Variants in NPY observed in about 807,000 individuals in gnomAD.
NPY encodes the protein pro-neuropeptide Y.
In NPY, 11 loss-of-function variants were observed where a neutral mutation model predicts 13.2. That is an observed-to-expected ratio of 0.83 (90% CI 0.52 to 1.38). The LOEUF (loss-of-function observed/expected upper bound fraction) is 1.38, where lower values mean the gene tolerates loss of function less well. Ranked by LOEUF, NPY falls within the 40% of genes most tolerant of loss-of-function variation. NPY has a pLI of 0.00. For missense variants in NPY, 109 were observed against 125.1 expected (o/e 0.87, Z 0.61); for synonymous variants, 51 against 55.6 (o/e 0.92, Z 0.37).
At position 24,289,013 on chromosome 7, in the gene NPY, C is replaced by T. The variant is rs79030209; in HGVS notation, c.189-486C>T. ...TTCAAAGACACAGGTGGGTCTTGGA[C>T]GGCAATCTGCTGATTTTTTTTTTCT... On this transcript the variant is annotated intron_variant, in intron 2 of 3. Coordinates refer to ENST00000242152, the MANE Select transcript of NPY (RefSeq NM_000905.4). 0.01 allele frequency among the ~76,000 whole-genome samples: 1,566 copies of T among 152,172 alleles called. 54 individuals are homozygous for T. In the East Asian group the frequency reaches 0.12, roughly 12 times the overall value.
chr7:24,284,659 A>G (rs1328521712), intron 1 of NPY, among the ~76,000 whole-genome samples: 7 of 152,102 alleles, frequency 4.6e-5, no homozygotes, highest in Non-Finnish European at 1.0e-4. Flanking sequence ...CGGCAGCGCC[A>G]TCGAGTGAGG....
intron 3 of NPY, 139 bp from the exon 4 acceptor site, chr7:24,291,524 T>G: frequency 2.2e-6 from 2 of 905,006 alleles, no homozygotes; most frequent in African/African-American, 1.7e-5. Context: ...TCCACATGGC[T>G]TCTTATTTAG....
intron 3 of NPY, among the ~76,000 whole-genome samples, chr7:24,291,401 T>C (rs1250056378): frequency 2.0e-5 from 3 of 152,192 alleles, no homozygotes; most frequent in Admixed American, 2.0e-4. Flanking sequence ...CTTTGATACA[T>C]ACAGAGCCTT....
chr7:24,289,461 T>C (rs1296735972), intron 2 of NPY, 38 bp from the exon 3 acceptor site: 14 of 1,451,970 alleles, frequency 9.6e-6, no homozygotes, highest in Non-Finnish European at 1.2e-5. Flanking sequence ...TTTTTATGCC[T>C]ATTCCAAACT....
chr7:24,291,847 T>A lies in NPY; in HGVS notation c.*160T>A. ...TGTATATATGTGTGTTTAAATAAAG[T>A]ATCATGCATTCAAAAGTGTATCCTC... On this transcript the variant is annotated 3_prime_UTR_variant, in exon 4 of 4. Coordinates refer to ENST00000242152, the MANE Select transcript of NPY (RefSeq NM_000905.4). 1.4e-6 allele frequency: 1 copy of A among 690,740 alleles called. No homozygotes were observed. The highest frequency in any genetic ancestry group is 2.4e-6 in the Non-Finnish European group (1 of 417,798). 42.8% of individuals were successfully genotyped at this position (690,740 alleles called of 1,614,324 possible). A position where few individuals can be genotyped will look rare whatever the true frequency, so the allele number is the denominator to read the frequency against.
At position 24,285,069 on chromosome 7, in the gene NPY, C is replaced by A. The variant is rs1188828340; in HGVS notation, c.1-172C>A. The A allele has an allele frequency of 7.4e-6, 5 of 671,540 alleles. No individual in the cohort carries two copies. The highest frequency in any genetic ancestry group is 1.3e-5 in the Non-Finnish European group (5 of 396,280). 41.6% of individuals were successfully genotyped at this position (671,540 alleles called of 1,614,324 possible). A position where few individuals can be genotyped will look rare whatever the true frequency, so the allele number is the denominator to read the frequency against. On this transcript the variant is annotated intron_variant, in intron 1 of 3. Coordinates refer to ENST00000242152, the MANE Select transcript of NPY (RefSeq NM_000905.4). This position sits in a 1 kb window ranked among gnomAD's most constrained non-coding sequence, Gnocchi z 4.9. ...GGTCCCGACCGGACGGCGCCCGGAG[C>A]CCGCAAGGTGGTGCTAGCCACTCCT...
At chr7:24,287,516 T>C (rs1226214564) in intron 2 of NPY, among the ~76,000 whole-genome samples, 3 of 138,570 alleles carry the variant, frequency 2.2e-5, no homozygotes, top group African/African-American at 5.4e-5. Context: ...TATATACCCC[T>C]GGCTCATTGC....
At position 24,285,798 on chromosome 7, in the gene NPY, T is replaced by C. The variant is rs142898192; in HGVS notation, c.188+370T>C. On this transcript the variant is annotated intron_variant, in intron 2 of 3. Transcript: ENST00000242152. This position sits in a 1 kb window ranked among gnomAD's most constrained non-coding sequence, Gnocchi z 4.9. Reference sequence around the variant, plus strand: ...GCAAGAATGCGCCAGAGAAATGCTGTAGGGGGAAACGCTAGCAAGGTGTCT... The same window carrying C: ...GCAAGAATGCGCCAGAGAAATGCTGCAGGGGGAAACGCTAGCAAGGTGTCT... Among the ~76,000 whole-genome samples, 302 of 152,048 alleles carry C rather than the reference T, an allele frequency of 2.0e-3. 1 individual carries two copies. Among genetic ancestry groups the C allele is most frequent in the Middle Eastern group, 0.014 (4 of 294 alleles).
intron 2 of NPY, among the ~76,000 whole-genome samples, chr7:24,286,903 G>A (rs1456675454): frequency 6.8e-6 from 1 of 146,492 alleles, no homozygotes; most frequent in African/African-American, 2.8e-5. Flanking sequence ...ATAATACACA[G>A]TAGAACTCAT....
rs1486037281 is a variant in NPY at position 24,285,162 on chromosome 7, C to CG, written c.1-73dup. 9.0e-6 allele frequency: 13 copies of CG among 1,452,410 alleles called. No individual in the cohort carries two copies. Among genetic ancestry groups the CG allele is most frequent in the South Asian group, 3.6e-5 (3 of 84,080 alleles). 90.0% of individuals were successfully genotyped at this position (1,452,410 alleles called of 1,614,324 possible). On this transcript the variant is annotated intron_variant, in intron 1 of 3. Coordinates refer to ENST00000242152, the MANE Select transcript of NPY (RefSeq NM_000905.4). The surrounding 1 kb of genome is among the most constrained non-coding windows in gnomAD (Gnocchi z 4.9). The stretch of plus-strand genomic sequence containing the variant: ...GCGTGTGGTAGCAGGAGGAGGAGCG[C>CG]GGGGGGCAGAGGAGGGAGGTGCTGC...
intron 3 of NPY, among the ~76,000 whole-genome samples, chr7:24,290,034 A>G (rs1284576549): frequency 1.3e-5 from 2 of 152,182 alleles, no homozygotes; most frequent in East Asian, 1.9e-4. Context: ...CCAGTTTTAC[A>G]TGAAGCTGTA....
At chr7:24,288,463 C>T (rs769091022) in intron 2 of NPY, among the ~76,000 whole-genome samples, 1 of 152,044 alleles carries the variant, frequency 6.6e-6, no homozygotes, top group Non-Finnish European at 1.5e-5. Flanking sequence ...AGTTGTTGGA[C>T]CTATTAACCA....
In NPY at chr7:24,289,579, G is replaced by A. The variant is rs556865090; in HGVS notation, c.269G>A (p.Arg90Gln). The A allele has an allele frequency of 8.7e-6, 14 of 1,608,830 alleles. No individual in the cohort carries two copies. The African/African-American group carries it at 1.2e-4, about 14-fold the overall frequency. Reference protein sequence around the residue: ...RESTENVPRTRLEDPAMW With the variant: ...RESTENVPRTQLEDPAMW ...AGCACAGAAAATGTTCCCAGAACTCGGTATGACAAGGCTTGTGATGGGGAC... is the reference window on the plus strand; with the variant it reads ...AGCACAGAAAATGTTCCCAGAACTCAGTATGACAAGGCTTGTGATGGGGAC... Residue 90 changes from arginine (R) to glutamine (Q), a missense_variant and splice_region_variant, in exon 3 of 4, where the codon CGG (arginine) becomes CAG (glutamine). Coordinates refer to ENST00000242152, the MANE Select transcript of NPY (RefSeq NM_000905.4).
At chr7:24,286,718 GATC>G (rs1464770547) in intron 2 of NPY, among the ~76,000 whole-genome samples, 20 of 152,152 alleles carry the variant, frequency 1.3e-4, no homozygotes, top group African/African-American at 4.6e-4. Context: ...CTTGAAATCT[GATC>G]ATTTTAATTA....
Position 24,290,775 on chromosome 7 carries a change from A to ATTATTATTATTATTATT in NPY, c.270-888_270-887insTTATTATTATTATTATT, listed in dbSNP as rs1554351567. Among the ~76,000 whole-genome samples the ATTATTATTATTATTATT allele has an allele frequency of 1.5e-3, 190 of 129,628 alleles. 1 individual carries two copies. Among genetic ancestry groups the ATTATTATTATTATTATT allele is most frequent in the Admixed American group, 5.5e-3 (70 of 12,824 alleles). The allele number at this position is 129,628 out of a possible 152,430, so 85.0% of individuals were successfully genotyped here. On this transcript the variant is annotated intron_variant, in intron 3 of 3. Coordinates refer to ENST00000242152, the MANE Select transcript of NPY (RefSeq NM_000905.4). ...TTTTTAATTAAATAATAATAATAATAATTATTATTATTATTCAGAGACAAG... is the reference window on the plus strand; with the variant it reads ...TTTTTAATTAAATAATAATAATAATATTATTATTATTATTATTATTATTATTATTATTCAGAGACAAG...
intron 2 of NPY, among the ~76,000 whole-genome samples, chr7:24,286,528 GGGAGTAGTT>G (rs1159439495): frequency 6.6e-6 from 1 of 152,116 alleles, no homozygotes; most frequent in African/African-American, 2.4e-5. Context: ...TTACAAGTCA[GGGAGTAGTT>G]GGAAAGGATC....
chr7:24,291,773 T>C lies in NPY; in HGVS notation c.*86T>C. 2.1e-6 allele frequency: 3 copies of C among 1,440,632 alleles called. No homozygotes were observed. Among genetic ancestry groups the C allele is most frequent in the Non-Finnish European group, 2.9e-6 (3 of 1,023,020 alleles). 89.2% of individuals were successfully genotyped at this position (1,440,632 alleles called of 1,614,324 possible). A position where few individuals can be genotyped will look rare whatever the true frequency, so the allele number is the denominator to read the frequency against. On this transcript the variant is annotated 3_prime_UTR_variant, in exon 4 of 4. Transcript: ENST00000242152. ...AACGAGAATCCACCCATCCTACCAA[T>C]GCATGCAGCCACTGTGCTGAATTCT...
chr7:24,289,514 C>T lies in NPY; in HGVS notation c.204C>T (p.Ser68=), dbSNP rs5574. 0.46 allele frequency: 726,019 copies of T among 1,585,064 alleles called. 169,337 individuals are homozygous for T. The highest frequency in any genetic ancestry group is 0.48 in the Non-Finnish European group (559,224 of 1,164,844). ...TTTTTTCCAGATATGGAAAACGATC[C>T]AGCCCAGAGACACTGATTTCAGACC... ...LITRQRYGKR[S]SPETLISDLL... is the part of the protein sequence containing the mutation. The change falls in exon 3 of 4, where the codon TCC becomes TCT. Residue 68 remains serine, a synonymous_variant. Coordinates refer to ENST00000242152, the MANE Select transcript of NPY (RefSeq NM_000905.4).
intron 3 of NPY, 51 bp downstream of exon 3, chr7:24,289,630 G>C (rs576844830): frequency 1.4e-6 from 2 of 1,458,058 alleles, no homozygotes; most frequent in Non-Finnish European, 1.9e-6. Context: ...AAGGTGCCCA[G>C]GGGAGGGAAG....
Sources: allele counts gnomAD v4.1 joint callset (sites outside exome capture counted in the v4.1 genomes callset), GRCh38; gene constraint gnomAD v4.1.1; non-coding constraint Gnocchi (gnomAD v3.1); transcripts MANE v1.5; gene names NCBI Gene and HGNC (gene_info 2026-07-23, HGNC 2026-07-21).